FN1: variants seen among roughly 807,000 people sequenced by gnomAD.
FN1 encodes fibronectin.
FN1 carries 106 observed loss-of-function variants against 297.3 expected under a neutral mutation model. The observed-to-expected ratio is 0.36, with a 90% CI of 0.30 to 0.42. The LOEUF is 0.42. Ranked by LOEUF, FN1 falls within the 10% of genes least tolerant of loss-of-function variation. FN1 has a pLI of 1.00. For missense variants in FN1, 2,690 were observed against 3,124.9 expected, an observed-to-expected ratio of 0.86 and a Z score of 3.32; for synonymous variants, 1,149 against 1,152.6, an observed-to-expected ratio of 1.00 and a Z score of 0.06.
intron 35 of FN1, among the ~76,000 whole-genome samples, chr2:215,377,081 AGTGTGTGT>A (rs66762371): frequency 0.013 from 1,983 of 147,426 alleles, 40 homozygotes; most frequent in African/African-American, 0.045. Context: ...AGAGAGAGAG[AGTGTGTGT>A]GTGTGTGTGT....
At chr2:215,365,025 A>T in intron 43 of FN1, 40 bp from the exon 44 acceptor site, 1 of 1,302,916 alleles carries the variant, frequency 7.7e-7, no homozygotes, top group Non-Finnish European at 1.1e-6. Context: ...ATAAGCTGAG[A>T]ACAATACTGC....
chr2:215,379,073 A>G, intron 34 of FN1, 57 bp downstream of exon 34: 1 of 1,417,818 alleles, frequency 7.1e-7, no homozygotes, highest in Non-Finnish European at 1.0e-6. Context: ...ACCACCTTAG[A>G]AACTGTGTTA....
chr2:215,365,758 A>T, intron 42 of FN1, 128 bp from the exon 43 acceptor site: 1 of 726,978 alleles, frequency 1.4e-6, no homozygotes, highest in Non-Finnish European at 2.3e-6. Context: ...AGTTAAAGAT[A>T]AAAACCCCTA....
chr2:215,422,266 T>C, intron 9 of FN1, 23 bp from the exon 10 acceptor site: 1 of 1,611,894 alleles, frequency 6.2e-7, no homozygotes, highest in Non-Finnish European at 8.5e-7. Flanking sequence ...GGATAAGAAA[T>C]GCACTTGATA....
rs1408115158 is a variant in FN1 at position 215,409,738 on chromosome 2, G to T, written c.2124C>A (p.Ser708Arg). 6.2e-7 allele frequency: 1 copy of T among 1,614,062 alleles called. No individual in the cohort carries two copies. Among genetic ancestry groups the T allele is most frequent in the African/African-American group, 1.3e-5 (1 of 75,008 alleles). Reference protein sequence around the residue: ...TTTSTSTPVTSNTVTGETTPF... With the variant: ...TTTSTSTPVTRNTVTGETTPF... ...GAGTCGTCTCTCCTGTCACGGTGTT[G>T]CCTAGAGAGTCACAGAAAGGGGAAA... is the stretch of plus-strand genomic sequence containing the variant. Residue 708 changes from serine (S) to arginine (R), a missense_variant and splice_region_variant, in exon 15 of 46, where the codon AGC (serine) becomes AGA (arginine). Ser to Arg is a moderately radical substitution (Grantham distance 110, BLOSUM62 -1). This residue lies in a region of FN1 where 876 missense variants were observed against 1,058.1 expected (regional missense o/e 0.83). Transcript: ENST00000354785.
chr2:215,379,394 T>A, intron 33 of FN1, 77 bp from the exon 34 acceptor site: 2 of 1,337,254 alleles, frequency 1.5e-6, no homozygotes, highest in Non-Finnish European at 2.1e-6. Flanking sequence ...TTCCAAGAAG[T>A]AGAATGGATT....
In FN1 at chr2:215,362,063, T is replaced by C. The variant is rs371108916; in HGVS notation, c.7268A>G (p.Asn2423Ser). ...GGGTTCACCCCCAGGTCTGCGGCAGTTGTCACAGCGCCAGCCCTGAGAGAG... is the reference window on the plus strand; with the variant it reads ...GGGTTCACCCCCAGGTCTGCGGCAGCTGTCACAGCGCCAGCCCTGAGAGAG... ...FGGQRGWRCDNCRRPGGEPSP... is the reference protein window; with the variant it reads ...FGGQRGWRCDSCRRPGGEPSP... Residue 2423 changes from asparagine (N) to serine (S), a missense_variant, in exon 45 of 46, where the codon AAC becomes AGC. Transcript: ENST00000354785. 2.5e-5 allele frequency: 41 copies of C among 1,613,900 alleles called. No individual in the cohort carries two copies. The African/African-American group carries it at 5.3e-4, about 21-fold the overall frequency.
Position 215,361,363 on chromosome 2 carries a change from G to A in FN1, c.*192C>T, listed in dbSNP as rs561506836. On this transcript the variant is annotated 3_prime_UTR_variant, in exon 46 of 46. Coordinates refer to ENST00000354785, the MANE Select transcript of FN1 (RefSeq NM_212482.4). The stretch of plus-strand genomic sequence containing the variant: ...CAGGCAATGTGCAGCCCTCATTTAT[G>A]AGAAAACCCTCAGGAAACTCCCAGG... 22 of 647,960 alleles carry A rather than the reference G, an allele frequency of 3.4e-5. No homozygotes were observed. The African/African-American group carries it at 3.8e-4, about 11-fold the overall frequency. 40.1% of individuals were successfully genotyped at this position (647,960 alleles called of 1,614,324 possible).
chr2:215,428,511 A>G (rs1473151400), intron 5 of FN1, among the ~76,000 whole-genome samples, 173 bp from the exon 6 acceptor site: 1 of 152,238 alleles, frequency 6.6e-6, no homozygotes, highest in Non-Finnish European at 1.5e-5. Context: ...TACATTTGTT[A>G]CAGTGGAAAG....
intron 6 of FN1, among the ~76,000 whole-genome samples, chr2:215,426,287 T>C (rs2065393512): frequency 6.6e-6 from 1 of 151,618 alleles, no homozygotes; most frequent in African/African-American, 2.4e-5. Context: ...TAGCTGGGAC[T>C]ACAGGCACCC....
intron 2 of FN1, 151 bp downstream of exon 2, chr2:215,434,545 A>G: frequency 1.1e-6 from 1 of 913,514 alleles, no homozygotes; most frequent in Non-Finnish European, 1.7e-6. Flanking sequence ...GCATGTGAAA[A>G]GCAAATATAA....
intron 3 of FN1, 132 bp from the exon 4 acceptor site, chr2:215,432,096 A>G (rs905496618): frequency 7.8e-6 from 8 of 1,019,420 alleles, no homozygotes; most frequent in African/African-American, 6.3e-5. Context: ...CATCAGAGAC[A>G]GGGGAAACGT....
At chr2:215,426,638 CCCATCCCCTACACTCTA>C (rs1052317690) in intron 6 of FN1, among the ~76,000 whole-genome samples, 1 of 152,086 alleles carries the variant, frequency 6.6e-6, no homozygotes, top group Non-Finnish European at 1.5e-5. Context: ...AGACATGGCG[CCCATCCCCTACACTCTA>C]CCATGGAGAG....
chr2:215,433,525 C>A (rs1269779029), intron 2 of FN1, 64 bp from the exon 3 acceptor site: 3 of 1,539,546 alleles, frequency 1.9e-6, no homozygotes, highest in Non-Finnish European at 2.7e-6. Flanking sequence ...GTTCACTAAT[C>A]CCCTCTAAAG....
chr2:215,375,498 A>ATAC, intron 37 of FN1, 105 bp from the exon 38 acceptor site: 1 of 1,285,450 alleles, frequency 7.8e-7, no homozygotes, highest in Non-Finnish European at 1.1e-6. Context: ...GAATCTGAGA[A>ATAC]TACTGTAAAC....
At chr2:215,435,156 C>G (rs945241010) in intron 1 of FN1, among the ~76,000 whole-genome samples, 2 of 152,140 alleles carry the variant, frequency 1.3e-5, no homozygotes, top group Admixed American at 6.5e-5. Flanking sequence ...AACCTCTGTT[C>G]TTGGTGAAGT....
intron 44 of FN1, chr2:215,362,430 G>A (rs531813606): frequency 6.7e-6 from 2 of 297,394 alleles, no homozygotes; most frequent in Non-Finnish European, 1.3e-5. Context: ...GAATCCTAGC[G>A]ATTTTAAAAG....
chr2:215,365,136 T>C (rs1358553386), intron 43 of FN1, 151 bp from the exon 44 acceptor site: 1 of 705,306 alleles, frequency 1.4e-6, no homozygotes, highest in East Asian at 2.7e-5. Flanking sequence ...GCAGTACTGC[T>C]ATACAGATCT....
intron 8 of FN1, 141 bp from the exon 9 acceptor site, chr2:215,423,667 T>C: frequency 2.5e-6 from 2 of 803,488 alleles, no homozygotes; most frequent in South Asian, 1.5e-5. Flanking sequence ...TGTCTGATAA[T>C]ATAGTTCTAA....
Sources: allele counts gnomAD v4.1 joint callset (sites outside exome capture counted in the v4.1 genomes callset), GRCh38; gene constraint gnomAD v4.1.1; regional missense constraint gnomAD v4.1.1; transcripts MANE v1.5; gene names NCBI Gene and HGNC (gene_info 2026-07-23, HGNC 2026-07-21).